Variants in RPTOR observed in about 807,000 individuals in gnomAD.
RPTOR encodes regulatory-associated protein of mTOR.
RPTOR carries 21 observed loss-of-function variants against 169.9 expected under a neutral mutation model. That is an observed-to-expected ratio of 0.12 (90% CI 0.09 to 0.18). The LOEUF (loss-of-function observed/expected upper bound fraction) is 0.18. RPTOR is among the 10% of genes least tolerant of loss of function. RPTOR has a pLI of 1.00. For synonymous variants in RPTOR, 732 were observed against 753.2 expected (o/e 0.97, Z 0.46); for missense variants, 1,133 against 1,855.9 (o/e 0.61, Z 7.16).
At chr17:80,602,524 A>T in intron 1 of RPTOR, 1 of 461,064 alleles carries the variant, frequency 2.2e-6, no homozygotes, top group Non-Finnish European at 4.1e-6. Context: ...TTATAACTTT[A>T]TTTGATGTAT....
intron 20 of RPTOR, among the ~76,000 whole-genome samples, chr17:80,906,913 G>A (rs1348262931): frequency 7.2e-5 from 11 of 152,138 alleles, no homozygotes; most frequent in Admixed American, 3.3e-4. Context: ...CTGCACTCAC[G>A]GTGGGGGCGC....
chr17:80,687,505 A>T (rs370495838), intron 3 of RPTOR, among the ~76,000 whole-genome samples: 93 of 148,590 alleles, frequency 6.3e-4, no homozygotes, highest in African/African-American at 2.0e-3. Context: ...TTGTTTGATG[A>T]AAGGCAGGGA....
chr17:80,849,084 G>A (rs776019367), intron 11 of RPTOR, among the ~76,000 whole-genome samples: 4 of 152,062 alleles, frequency 2.6e-5, no homozygotes, highest in African/African-American at 4.8e-5. Context: ...ATGGGGTATC[G>A]GCTTCATTTG....
At chr17:80,782,824 A>G (rs997933571) in intron 6 of RPTOR, among the ~76,000 whole-genome samples, 2 of 152,172 alleles carry the variant, frequency 1.3e-5, no homozygotes, top group African/African-American at 4.8e-5. Flanking sequence ...CTCTGTCGGT[A>G]TGTAGTATAA....
chr17:80,749,488 G>T, intron 5 of RPTOR, among the ~76,000 whole-genome samples: 1 of 126,398 alleles, frequency 7.9e-6, no homozygotes, highest in South Asian at 3.1e-4. Flanking sequence ...GAGGGGCTGC[G>T]GTGTGTGTTT....
At chr17:80,579,046 ACACAGGTACTCTGCATTGGTACTCTG>A (rs892718853) in intron 1 of RPTOR, among the ~76,000 whole-genome samples, 60 of 152,290 alleles carry the variant, frequency 3.9e-4, no homozygotes, top group African/African-American at 1.4e-3. Context: ...TAACTACCTT[ACACAGGTACTCTGCATTGGTACTCTG>A]CACAGGTACT....
intron 3 of RPTOR, among the ~76,000 whole-genome samples, chr17:80,665,333 C>G (rs140836694): frequency 1.6e-5 from 1 of 62,872 alleles, no homozygotes; most frequent in Non-Finnish European, 3.0e-5. Context: ...TTTCTTTTCC[C>G]TTTCCTTTCC....
intron 20 of RPTOR, among the ~76,000 whole-genome samples, chr17:80,902,580 C>T (rs895829279): frequency 6.6e-6 from 1 of 152,192 alleles, no homozygotes; most frequent in Non-Finnish European, 1.5e-5. Flanking sequence ...TGTCCCGGCC[C>T]CCAGCCCATG....
At chr17:80,733,657 G>A (rs922338889) in intron 5 of RPTOR, among the ~76,000 whole-genome samples, 2 of 152,220 alleles carry the variant, frequency 1.3e-5, no homozygotes, top group Admixed American at 6.5e-5. Flanking sequence ...AGGGAGAAAC[G>A]ATGTGGAAGC....
chr17:80,860,113 G>A lies in RPTOR; in HGVS notation c.1509+2213G>A, dbSNP rs73351964. On this transcript the variant is annotated intron_variant, in intron 13 of 33. Coordinates refer to ENST00000306801, the MANE Select transcript of RPTOR (RefSeq NM_020761.3). This position sits in a 1 kb window ranked among gnomAD's most constrained non-coding sequence, Gnocchi z 5.8. ...GAGAGTGGACGGAGCTTAAGCCCCC[G>A]GGGCTCCTGCCTGCTGCCCGGCGCT... Among the ~76,000 whole-genome samples the A allele has an allele frequency of 0.13, 20,527 of 152,134 alleles. 3,271 individuals carry two copies. Among genetic ancestry groups the A allele is most frequent in the African/African-American group, 0.38 (15,939 of 41,454 alleles).
chr17:80,557,137 A>T (rs1033094903), intron 1 of RPTOR, among the ~76,000 whole-genome samples: 2 of 152,060 alleles, frequency 1.3e-5, no homozygotes, highest in Non-Finnish European at 1.5e-5. Flanking sequence ...CTTGAGATGG[A>T]TAAGAACATG....
rs2069420772 is a variant in RPTOR at position 80,965,808 on chromosome 17, G to C, written c.*1478G>C. ...GGCCGGGACGTGACAAGGCAGGACAGAGGCGGCCCCTCCGCTGCTCCTTTT... is the reference window on the plus strand; with the variant it reads ...GGCCGGGACGTGACAAGGCAGGACACAGGCGGCCCCTCCGCTGCTCCTTTT... On this transcript the variant is annotated 3_prime_UTR_variant, in exon 34 of 34. Transcript: ENST00000306801. The C allele has an allele frequency of 4.3e-6, 1 of 233,282 alleles. No homozygotes were observed. The highest frequency in any genetic ancestry group is 2.2e-5 in the African/African-American group (1 of 45,360). The allele number at this position is 233,282 out of a possible 1,614,324, so 14.5% of individuals were successfully genotyped here.
At chr17:80,857,526 C>T (rs1400900029) in intron 12 of RPTOR, among the ~76,000 whole-genome samples, 1 of 152,218 alleles carries the variant, frequency 6.6e-6, no homozygotes, top group Non-Finnish European at 1.5e-5. Flanking sequence ...CAGCCTGCGC[C>T]TCCACAAGGA....
intron 9 of RPTOR, among the ~76,000 whole-genome samples, chr17:80,830,549 G>A (rs940085706): frequency 6.6e-6 from 1 of 152,162 alleles, no homozygotes; most frequent in African/African-American, 2.4e-5. Context: ...GGGCTGCTGC[G>A]CCCCACGGTG....
chr17:80,817,584 G>T (rs1158814071), intron 7 of RPTOR, among the ~76,000 whole-genome samples: 1 of 152,148 alleles, frequency 6.6e-6, no homozygotes, highest in South Asian at 2.1e-4. Context: ...CATGCTGGAA[G>T]TGGGGAGCAG....
At chr17:80,807,399 G>T (rs1268821651) in intron 7 of RPTOR, among the ~76,000 whole-genome samples, 2 of 152,088 alleles carry the variant, frequency 1.3e-5, no homozygotes, top group Non-Finnish European at 2.9e-5. Context: ...GCCTAGGCTG[G>T]AGTGCAATAG....
chr17:80,801,377 GCA>G (rs35885208), intron 7 of RPTOR, among the ~76,000 whole-genome samples: 5,618 of 152,210 alleles, frequency 0.037, 144 homozygotes, highest in East Asian at 0.1. Flanking sequence ...GGCCTGCCAA[GCA>G]CCACACCATT....
chr17:80,644,617 C>T (rs1179226255), intron 3 of RPTOR, among the ~76,000 whole-genome samples: 1 of 152,122 alleles, frequency 6.6e-6, no homozygotes, highest in Non-Finnish European at 1.5e-5. Flanking sequence ...GTTTTACTCT[C>T]CCCTTTTGGA....
At chr17:80,675,772 G>A (rs2065857378) in intron 3 of RPTOR, among the ~76,000 whole-genome samples, 1 of 152,160 alleles carries the variant, frequency 6.6e-6, no homozygotes, top group South Asian at 2.1e-4. Context: ...ATTTCAGAAC[G>A]TGCCCCTGCC....
Sources: allele counts gnomAD v4.1 joint callset (sites outside exome capture counted in the v4.1 genomes callset), GRCh38; gene constraint gnomAD v4.1.1; non-coding constraint Gnocchi (gnomAD v3.1); transcripts MANE v1.5; gene names NCBI Gene and HGNC (gene_info 2026-07-23, HGNC 2026-07-21).